Variants in ULK4 observed in about 807,000 individuals in gnomAD.
The protein encoded by ULK4 is unc-51 like kinase 4, also known as inactive serine/threonine-protein kinase ULK4.
ULK4 carries 133 observed loss-of-function variants against 160.6 expected under a neutral mutation model. That is an observed-to-expected ratio of 0.83 (90% CI 0.72 to 0.96). ULK4 has a LOEUF of 0.96. Ranked by LOEUF, ULK4 falls within the 40% of genes least tolerant of loss-of-function variation. The pLI is 0.00. For missense variants in ULK4, 1,580 were observed against 1,499.5 expected, an observed-to-expected ratio of 1.05 and a Z score of -0.89; for synonymous variants, 534 against 539.8, an observed-to-expected ratio of 0.99 and a Z score of 0.15.
At chr3:41,337,554 C>T (rs73831321) in intron 35 of ULK4, among the ~76,000 whole-genome samples, 8,943 of 152,168 alleles carry the variant, frequency 0.059, 640 homozygotes, top group East Asian at 0.21. Context: ...CACACACACA[C>T]GCATGTGCAC....
At chr3:41,274,181 T>G (rs947580103) in intron 35 of ULK4, among the ~76,000 whole-genome samples, 9 of 152,188 alleles carry the variant, frequency 5.9e-5, no homozygotes, top group African/African-American at 2.2e-4. Context: ...TGGTGTCCAG[T>G]GTCTTGAAAG....
chr3:41,551,544 T>C (rs1372779578), intron 32 of ULK4, among the ~76,000 whole-genome samples: 1 of 151,854 alleles, frequency 6.6e-6, no homozygotes, highest in Non-Finnish European at 1.5e-5. Context: ...TTCCTAGGCA[T>C]ATACAACTGC....
chr3:41,934,272 A>G (rs966427646), intron 4 of ULK4, among the ~76,000 whole-genome samples: 4 of 152,212 alleles, frequency 2.6e-5, no homozygotes, highest in Non-Finnish European at 5.9e-5. Context: ...GACTTGAGGC[A>G]CATACATGAT....
intron 25 of ULK4, among the ~76,000 whole-genome samples, chr3:41,707,889 A>G (rs1172198593): frequency 6.6e-6 from 1 of 152,134 alleles, no homozygotes; most frequent in Non-Finnish European, 1.5e-5. Context: ...GAAGATATAC[A>G]AATGGTCAAT....
chr3:41,552,274 GAGAA>G (rs2087099333), intron 32 of ULK4, among the ~76,000 whole-genome samples: 1 of 151,938 alleles, frequency 6.6e-6, no homozygotes, highest in African/African-American at 2.4e-5. Flanking sequence ...AATCAAGCAA[GAGAA>G]AGAAATAAAA....
At chr3:41,376,615 C>G (rs1296383587) in intron 35 of ULK4, among the ~76,000 whole-genome samples, 7 of 146,512 alleles carry the variant, frequency 4.8e-5, no homozygotes, top group Non-Finnish European at 1.0e-4. Flanking sequence ...GAGTGAACTC[C>G]CATTCACAAT....
intron 31 of ULK4, among the ~76,000 whole-genome samples, chr3:41,599,170 T>C (rs2031888479): frequency 6.6e-6 from 1 of 152,164 alleles, no homozygotes; most frequent in African/African-American, 2.4e-5. Flanking sequence ...GATAATCTAA[T>C]GTTTAGGTCA....
chr3:41,521,005 A>T (rs967654810), intron 32 of ULK4, among the ~76,000 whole-genome samples: 2 of 152,142 alleles, frequency 1.3e-5, no homozygotes, highest in Non-Finnish European at 2.9e-5. Flanking sequence ...TCTAGCTAGG[A>T]TTATTAAGGA....
intron 32 of ULK4, among the ~76,000 whole-genome samples, chr3:41,505,439 T>C (rs1256402): frequency 0.84 from 127,800 of 152,148 alleles, 54,979 homozygotes; most frequent in Non-Finnish European, 0.94. Context: ...TAAATACTGT[T>C]CTATGAACAT....
rs574984375 is a variant in ULK4 at position 41,602,448 on chromosome 3, A to G, written c.3120+13221T>C. 3.3e-5 allele frequency among the ~76,000 whole-genome samples: 5 copies of G among 152,146 alleles called. No individual in the cohort carries two copies. The South Asian group carries it at 1.0e-3, about 32-fold the overall frequency. On this transcript the variant is annotated intron_variant, in intron 31 of 36. Coordinates refer to ENST00000301831, the MANE Select transcript of ULK4 (RefSeq NM_017886.4). ...GAAAGAAAAAAGAGAAAAGAGAAAGAGGAAGAAAGACAGAAAACTAGAGAA... is the reference window on the plus strand; with the variant it reads ...GAAAGAAAAAAGAGAAAAGAGAAAGGGGAAGAAAGACAGAAAACTAGAGAA...
intron 17 of ULK4, among the ~76,000 whole-genome samples, chr3:41,879,609 T>C (rs1016954753): frequency 6.6e-6 from 1 of 152,076 alleles, no homozygotes; most frequent in African/African-American, 2.4e-5. Flanking sequence ...CTCAGCCTCC[T>C]GAGTAGCTGG....
At chr3:41,923,167 T>G (rs1699255257) in intron 5 of ULK4, among the ~76,000 whole-genome samples, 1 of 150,802 alleles carries the variant, frequency 6.6e-6, no homozygotes, top group Non-Finnish European at 1.5e-5. Context: ...AGACTCTGTC[T>G]CAAAAAAATA....
chr3:41,463,317 CA>C (rs1559621365), intron 32 of ULK4, 64 bp from the exon 33 acceptor site: 1 of 1,508,644 alleles, frequency 6.6e-7, no homozygotes, highest in Non-Finnish European at 9.0e-7. Flanking sequence ...TCATATGAAC[CA>C]AAAAGAGAGG....
chr3:41,448,643 G>C (rs188190902), intron 34 of ULK4, among the ~76,000 whole-genome samples: 291 of 152,296 alleles, frequency 1.9e-3, no homozygotes, highest in Non-Finnish European at 3.4e-3. Flanking sequence ...CTGTGGTCCT[G>C]TAAGGGCAGG....
chr3:41,783,905 G>C (rs368822095), intron 21 of ULK4, among the ~76,000 whole-genome samples: 65 of 152,192 alleles, frequency 4.3e-4, no homozygotes, highest in African/African-American at 1.4e-3. Flanking sequence ...TAACAGCTTG[G>C]AAGTACCAGA....
chr3:41,929,853 G>GA (rs1699526942), intron 5 of ULK4, among the ~76,000 whole-genome samples: 2 of 151,844 alleles, frequency 1.3e-5, no homozygotes, highest in South Asian at 4.2e-4. Context: ...CAAACAAATG[G>GA]AAAAAAATTC....
At chr3:41,669,280 T>C (rs1392404257) in intron 29 of ULK4, among the ~76,000 whole-genome samples, 5 of 152,100 alleles carry the variant, frequency 3.3e-5, no homozygotes, top group Non-Finnish European at 7.4e-5. Flanking sequence ...GGGTCTCCCT[T>C]TGTTGCCCAG....
chr3:41,770,378 TG>T (rs1275829678), intron 21 of ULK4, among the ~76,000 whole-genome samples: 4 of 152,182 alleles, frequency 2.6e-5, no homozygotes, highest in African/African-American at 9.7e-5. Context: ...CCATGTTGAC[TG>T]GGGAATTTTT....
chr3:41,923,351 T>G (rs1422493232), intron 5 of ULK4, among the ~76,000 whole-genome samples: 1 of 151,840 alleles, frequency 6.6e-6, no homozygotes, highest in East Asian at 1.9e-4. Flanking sequence ...ATACAAAAAT[T>G]AGCTGGGCAT....
Sources: allele counts gnomAD v4.1 joint callset (sites outside exome capture counted in the v4.1 genomes callset), GRCh38; gene constraint gnomAD v4.1.1; transcripts MANE v1.5; gene names NCBI Gene and HGNC (gene_info 2026-07-23, HGNC 2026-07-21).